Variants in SUGCT observed in about 807,000 individuals in gnomAD.
The protein encoded by SUGCT is succinyl-CoA:glutarate CoA-transferase.
A neutral mutation model predicts 55.0 loss-of-function variants in SUGCT; 41 were observed. The ratio of observed to expected loss-of-function variants is 0.74; its 90% CI spans 0.58 to 0.97. The LOEUF (loss-of-function observed/expected upper bound fraction) is 0.97. Among genes scored for constraint, SUGCT ranks in the 50% least tolerant of loss-of-function variants. The pLI, the probability that SUGCT is intolerant of heterozygous loss-of-function variation, is 0.00. For missense variants in SUGCT, 568 were observed against 547.8 expected (o/e 1.04, Z -0.37); for synonymous variants, 187 against 200.4 (o/e 0.93, Z 0.56).
At chr7:40,755,808 A>C (rs887068538) in intron 13 of SUGCT, among the ~76,000 whole-genome samples, 5 of 152,166 alleles carry the variant, frequency 3.3e-5, no homozygotes, top group African/African-American at 1.2e-4. Flanking sequence ...GTGAAGGGGA[A>C]GCAGTCTTCT....
At chr7:40,246,567 A>G (rs1204084840) in intron 7 of SUGCT, among the ~76,000 whole-genome samples, 1 of 149,144 alleles carries the variant, frequency 6.7e-6, no homozygotes, top group Non-Finnish European at 1.5e-5. Context: ...GTTCTGATTT[A>G]TGCCTGACTT....
In SUGCT at chr7:40,701,982, A is replaced by G. The variant is rs544565363; in HGVS notation, c.1090-47452A>G. On this transcript the variant is annotated intron_variant, in intron 12 of 13. Coordinates refer to ENST00000335693, the MANE Select transcript of SUGCT (RefSeq NM_001193313.2). ...CACATATGTCAAAGGAAAGCTGTAG[A>G]AATGCATAAGAAACTCACAGATTAC... 2.2e-4 allele frequency among the ~76,000 whole-genome samples: 33 copies of G among 152,342 alleles called. No individual in the cohort carries two copies. In the South Asian group the frequency reaches 6.0e-3, roughly 28 times the overall value.
chr7:40,606,985 T>G (rs1226395219), intron 12 of SUGCT, among the ~76,000 whole-genome samples: 2 of 152,202 alleles, frequency 1.3e-5, no homozygotes, highest in Non-Finnish European at 2.9e-5. Context: ...ATGCTTGATA[T>G]TCTAACCTTT....
At chr7:40,164,504 C>G (rs1054105058) in intron 1 of SUGCT, among the ~76,000 whole-genome samples, 3 of 151,958 alleles carry the variant, frequency 2.0e-5, no homozygotes, top group Non-Finnish European at 4.4e-5. Context: ...TTTGTTGTGT[C>G]TCTGTATTTA....
At chr7:40,200,532 G>A (rs1337933536) in intron 6 of SUGCT, among the ~76,000 whole-genome samples, 1 of 151,992 alleles carries the variant, frequency 6.6e-6, no homozygotes, top group Non-Finnish European at 1.5e-5. Flanking sequence ...AGAATACCAT[G>A]TGCAAAGGCT....
At position 40,654,144 on chromosome 7, in the gene SUGCT, A is replaced by T. The variant is rs149355951; in HGVS notation, c.1090-95290A>T. Among the ~76,000 whole-genome samples the T allele has an allele frequency of 3.2e-3, 495 of 152,312 alleles. 3 individuals carry two copies. Among genetic ancestry groups the T allele is most frequent in the African/African-American group, 0.011 (472 of 41,566 alleles). On this transcript the variant is annotated intron_variant, in intron 12 of 13. Coordinates refer to ENST00000335693, the MANE Select transcript of SUGCT (RefSeq NM_001193313.2). ...CATTGATCCAATTTTTAAAATTTTG[A>T]TGTTAAATTAAGATGCTAGTTACTT...
the SUGCT span, among the ~76,000 whole-genome samples, chr7:40,901,705 G>C: frequency 6.6e-6 from 1 of 152,204 alleles, no homozygotes; most frequent in African/African-American, 2.4e-5. Flanking sequence ...ATAGAATTGA[G>C]AAGTAAGCAC....
intron 7 of SUGCT, among the ~76,000 whole-genome samples, chr7:40,242,916 TATATATATATATATATA>T (rs1270962998): frequency 4.0e-5 from 1 of 24,708 alleles, no homozygotes; most frequent in Non-Finnish European, 8.7e-5. Flanking sequence ...CATATATATA[TATATATATATATATATA>T]TTTTTTTTTT....
chr7:40,259,285 A>G (rs1791057810), intron 7 of SUGCT, among the ~76,000 whole-genome samples: 1 of 152,170 alleles, frequency 6.6e-6, no homozygotes, highest in South Asian at 2.1e-4. Context: ...CTTGGATAAC[A>G]TGAATTTGAG....
chr7:40,920,980 T>A, the SUGCT span, among the ~76,000 whole-genome samples: 9 of 152,310 alleles, frequency 5.9e-5, no homozygotes, highest in Admixed American at 5.9e-4. Flanking sequence ...ATGCTCACTT[T>A]AAGGAAGTGG....
chr7:40,539,475 T>G lies in SUGCT; in HGVS notation c.1089+43089T>G, dbSNP rs1327602587. 2.0e-5 allele frequency: 3 copies of G among 151,988 alleles called. No homozygotes were observed. The East Asian group carries it at 5.8e-4, about 29-fold the overall frequency. 9.4% of individuals were successfully genotyped at this position (151,988 alleles called of 1,614,324 possible). The stretch of plus-strand genomic sequence containing the variant: ...ATTCAGAAATGACCTCGAATTTGGT[T>G]CTGAGATTTCTAGCAGCAAGCAAAA... On this transcript the variant is annotated intron_variant, in intron 12 of 13. Coordinates refer to ENST00000335693, the MANE Select transcript of SUGCT (RefSeq NM_001193313.2).
rs77915173 is a variant in SUGCT at position 40,612,188 on chromosome 7, T to C, written c.1089+115802T>C. Reference sequence around the variant, plus strand: ...TCTGCGAGAACCTTTAGTCCTACTATTATTTAGGTAATATTAGATAACAGT... The same window carrying C: ...TCTGCGAGAACCTTTAGTCCTACTACTATTTAGGTAATATTAGATAACAGT... On this transcript the variant is annotated intron_variant, in intron 12 of 13. Coordinates refer to ENST00000335693, the MANE Select transcript of SUGCT (RefSeq NM_001193313.2). Among the ~76,000 whole-genome samples, 888 of 152,336 alleles carry C rather than the reference T, an allele frequency of 5.8e-3. 3 individuals carry two copies. The highest frequency in any genetic ancestry group is 0.02 in the African/African-American group (843 of 41,570).
intron 8 of SUGCT, among the ~76,000 whole-genome samples, chr7:40,303,126 C>T (rs1309229725): frequency 6.6e-6 from 1 of 151,920 alleles, no homozygotes; most frequent in African/African-American, 2.4e-5. Flanking sequence ...CTCCGCCTCC[C>T]GAGTTCAAGT....
intron 8 of SUGCT, among the ~76,000 whole-genome samples, chr7:40,305,920 C>T (rs564515580): frequency 1.4e-4 from 22 of 152,218 alleles, no homozygotes; most frequent in African/African-American, 5.1e-4. Flanking sequence ...CTGTCTTGGC[C>T]TCCCAAAGTG....
At chr7:40,866,649 A>C in the SUGCT span, among the ~76,000 whole-genome samples, 1,480 of 151,920 alleles carry the variant, frequency 9.7e-3, 26 homozygotes, top group African/African-American at 0.034. Context: ...GACAGAGCCG[A>C]AGTAGCCAGT....
intron 1 of SUGCT, among the ~76,000 whole-genome samples, chr7:40,159,559 C>G (rs941764693): frequency 6.6e-6 from 1 of 151,926 alleles, no homozygotes; most frequent in South Asian, 2.1e-4. Context: ...TTAGTAGAGA[C>G]GAGGATTCAC....
Position 40,158,749 on chromosome 7 carries a change from C to CAAAT in SUGCT, c.101-22187_101-22184dup, listed in dbSNP as rs1211609779. The stretch of plus-strand genomic sequence containing the variant: ...TGGGTAACAGAGTGAGAGTCTGTCT[C>CAAAT]AAATAAATAAATAAGTAAAATAAAT... On this transcript the variant is annotated intron_variant, in intron 1 of 13. Coordinates refer to ENST00000335693, the MANE Select transcript of SUGCT (RefSeq NM_001193313.2). 3.3e-5 allele frequency among the ~76,000 whole-genome samples: 5 copies of CAAAT among 151,978 alleles called. No homozygotes were observed. In the East Asian group the frequency reaches 9.6e-4, roughly 29 times the overall value.
chr7:40,329,460 G>C (rs1180387712), intron 9 of SUGCT, among the ~76,000 whole-genome samples: 1 of 152,086 alleles, frequency 6.6e-6, no homozygotes, highest in Non-Finnish European at 1.5e-5. Flanking sequence ...TAGTGAAATA[G>C]GAACATTATA....
chr7:40,144,100 G>C (rs182201184), intron 1 of SUGCT, among the ~76,000 whole-genome samples: 1 of 152,324 alleles, frequency 6.6e-6, no homozygotes, highest in African/African-American at 2.4e-5. Context: ...CAAGACTCCT[G>C]GTTGACACTG....
Sources: allele counts gnomAD v4.1 joint callset (sites outside exome capture counted in the v4.1 genomes callset), GRCh38; gene constraint gnomAD v4.1.1; transcripts MANE v1.5; gene names NCBI Gene and HGNC (gene_info 2026-07-23, HGNC 2026-07-21).